The following C7orf78 variants were observed in gnomAD, a reference collection of about 807,000 sequenced individuals.
C7orf78 encodes the protein chromosome 7 open reading frame 78, also known as putative uncharacterized protein C7orf78.
chr7:12,519,346 A>C, the C7orf78 span, among the ~76,000 whole-genome samples: 1 of 152,136 alleles, frequency 6.6e-6, no homozygotes, highest in Non-Finnish European at 1.5e-5. Flanking sequence ...TCCAGCCCCT[A>C]GTGGCAGCAA....
chr7:12,501,271 G>A, the C7orf78 span, among the ~76,000 whole-genome samples: 1 of 147,616 alleles, frequency 6.8e-6, no homozygotes, highest in Non-Finnish European at 1.5e-5. Flanking sequence ...TATTCAATTA[G>A]GAAAAGAGGA....
At chr7:12,491,768 G>A in the C7orf78 span, 3 of 152,140 alleles carry the variant, frequency 2.0e-5, no homozygotes, top group African/African-American at 7.2e-5. Flanking sequence ...TGCCAACACA[G>A]AAGCCCATAT....
chr7:12,537,197 C>T, the C7orf78 span, among the ~76,000 whole-genome samples: 10 of 152,190 alleles, frequency 6.6e-5, no homozygotes, highest in East Asian at 3.8e-4. Flanking sequence ...TTGGACTTAC[C>T]GTTCCACATG....
the C7orf78 span, among the ~76,000 whole-genome samples, chr7:12,495,284 A>C: frequency 6.6e-5 from 10 of 152,290 alleles, no homozygotes; most frequent in East Asian, 1.9e-3. Flanking sequence ...TGGTGGCCAC[A>C]AAGTGGCTGT....
At chr7:12,494,459 T>A in the C7orf78 span, among the ~76,000 whole-genome samples, 1 of 151,992 alleles carries the variant, frequency 6.6e-6, no homozygotes, top group African/African-American at 2.4e-5. Context: ...AGAGGCTCCT[T>A]AGAAAAAAGG....
chr7:12,501,131 A>G, the C7orf78 span, among the ~76,000 whole-genome samples: 1 of 139,544 alleles, frequency 7.2e-6, no homozygotes, highest in African/African-American at 2.8e-5. Context: ...ATCATACTGA[A>G]TGGGCAAAAA....
At chr7:12,502,797 G>A in the C7orf78 span, among the ~76,000 whole-genome samples, 9 of 131,208 alleles carry the variant, frequency 6.9e-5, no homozygotes, top group Admixed American at 2.9e-4. Context: ...TGTTTATTGC[G>A]GCATCATTCA....
At chr7:12,496,687 A>T in the C7orf78 span, 8 of 152,212 alleles carry the variant, frequency 5.3e-5, no homozygotes, top group African/African-American at 1.9e-4. Flanking sequence ...TGAAATCTGG[A>T]GTCATAATCT....
the C7orf78 span, chr7:12,523,031 G>A: frequency 1.0e-5 from 4 of 398,342 alleles, no homozygotes; most frequent in South Asian, 5.1e-4. Context: ...AGGCACAAGA[G>A]ATAGGGATAT....
At chr7:12,535,907 G>A in the C7orf78 span, among the ~76,000 whole-genome samples, 1 of 152,224 alleles carries the variant, frequency 6.6e-6, no homozygotes, top group African/African-American at 2.4e-5. Flanking sequence ...GACACAAGAG[G>A]TGAGTTCCCA....
chr7:12,498,418 C>T, the C7orf78 span, among the ~76,000 whole-genome samples: 34 of 150,632 alleles, frequency 2.3e-4, no homozygotes, highest in Admixed American at 1.1e-3. Flanking sequence ...AACCAAGGCT[C>T]GAGAACTACG....
the C7orf78 span, among the ~76,000 whole-genome samples, chr7:12,506,477 T>C: frequency 1.3e-5 from 2 of 152,186 alleles, no homozygotes; most frequent in African/African-American, 4.8e-5. Context: ...AATGATGAGT[T>C]CGTGTCCTTT....
chr7:12,533,571 C>T, the C7orf78 span, among the ~76,000 whole-genome samples: 7 of 143,648 alleles, frequency 4.9e-5, no homozygotes, highest in Admixed American at 1.5e-4. Context: ...GGCTGGAGTG[C>T]AGTGGTACGA....
At chr7:12,489,647 C>A in the C7orf78 span, among the ~76,000 whole-genome samples, 1 of 152,026 alleles carries the variant, frequency 6.6e-6, no homozygotes, top group African/African-American at 2.4e-5. Context: ...GGAATGCCTT[C>A]AGGAGGCTAG....
the C7orf78 span, among the ~76,000 whole-genome samples, chr7:12,486,085 T>G: frequency 1.3e-5 from 2 of 152,108 alleles, no homozygotes; most frequent in Non-Finnish European, 2.9e-5. Context: ...TTCTACACAT[T>G]TGTTTTGCCT....
the C7orf78 span, among the ~76,000 whole-genome samples, chr7:12,528,440 G>C: frequency 6.7e-6 from 1 of 148,740 alleles, no homozygotes; most frequent in South Asian, 2.1e-4. Flanking sequence ...GAACATGTCA[G>C]CTTTCCTAGT....
the C7orf78 span, among the ~76,000 whole-genome samples, chr7:12,501,236 T>C: frequency 6.9e-6 from 1 of 144,938 alleles, no homozygotes. Flanking sequence ...GCCAGGGCAA[T>C]TAGGCAGGAG....
the C7orf78 span, among the ~76,000 whole-genome samples, chr7:12,532,848 T>C: frequency 2.0e-5 from 3 of 151,952 alleles, no homozygotes; most frequent in African/African-American, 7.3e-5. Context: ...GTACACAGAG[T>C]GAACAGTCAG....
the C7orf78 span, chr7:12,504,647 G>A: frequency 6.6e-6 from 1 of 151,988 alleles, no homozygotes; most frequent in Non-Finnish European, 1.5e-5. Context: ...GAGCCTATAT[G>A]TTTTATATGT....
Sources: allele counts gnomAD v4.1 joint callset (sites outside exome capture counted in the v4.1 genomes callset), GRCh38; gene constraint gnomAD v4.1.1; transcripts MANE v1.5; gene names NCBI Gene and HGNC (gene_info 2026-07-23, HGNC 2026-07-21).